Variants in COL21A1 observed in about 807,000 individuals in gnomAD.
The protein encoded by COL21A1 is collagen alpha-1(XXI) chain.
A neutral mutation model predicts 137.9 loss-of-function variants in COL21A1; 149 were observed. The ratio of observed to expected loss-of-function variants is 1.08; its 90% CI spans 0.95 to 1.24. The LOEUF is 1.24. Ranked by LOEUF, COL21A1 falls within the 50% of genes most tolerant of loss-of-function variation. The pLI is 0.00. For missense variants in COL21A1, 1,167 were observed against 1,158.4 expected (o/e 1.01, Z -0.11); for synonymous variants, 456 against 391.5 (o/e 1.16, Z -1.95).
At chr6:56,281,046 G>T (rs1763776568) in intron 1 of COL21A1, among the ~76,000 whole-genome samples, 1 of 152,052 alleles carries the variant, frequency 6.6e-6, no homozygotes, top group African/African-American at 2.4e-5. Context: ...AAATCTGCCT[G>T]ACTATAAAGC....
chr6:56,208,463 T>G (rs1457129395), intron 1 of COL21A1, among the ~76,000 whole-genome samples: 2 of 152,100 alleles, frequency 1.3e-5, no homozygotes, highest in Non-Finnish European at 2.9e-5. Flanking sequence ...GAATACAACT[T>G]ACAAGGGATG....
At chr6:56,279,611 T>C (rs775571208) in intron 1 of COL21A1, among the ~76,000 whole-genome samples, 2 of 152,192 alleles carry the variant, frequency 1.3e-5, no homozygotes, top group African/African-American at 2.4e-5. Flanking sequence ...TGGAAATACT[T>C]AAGGGTGACT....
chr6:56,293,891 G>C (rs1397488550), intron 1 of COL21A1, among the ~76,000 whole-genome samples: 1 of 152,170 alleles, frequency 6.6e-6, no homozygotes, highest in Non-Finnish European at 1.5e-5. Context: ...AGGAAGAAAG[G>C]TTTCTATTGT....
chr6:56,086,860 A>G (rs1334430155), intron 17 of COL21A1, among the ~76,000 whole-genome samples: 1 of 152,190 alleles, frequency 6.6e-6, no homozygotes, highest in African/African-American at 2.4e-5. Context: ...GCAGTCTTAA[A>G]TAATCCGAAC....
chr6:56,308,708 A>C lies in COL21A1; in HGVS notation c.-39+85263T>G, dbSNP rs1429630791. On this transcript the variant is annotated intron_variant, in intron 1 of 28. Coordinates refer to the COL21A1 transcript ENST00000370819. ...ATATTGTACATCAAAATTTTTGTAGAGGATAGATCTCGTTAAATGTTCTTA... is the reference window on the plus strand; with the variant it reads ...ATATTGTACATCAAAATTTTTGTAGCGGATAGATCTCGTTAAATGTTCTTA... Among the ~76,000 whole-genome samples the C allele has an allele frequency of 2.8e-5, 4 of 144,854 alleles. No individual in the cohort carries two copies. The East Asian group carries it at 6.3e-4, about 23-fold the overall frequency.
intron 1 of COL21A1, among the ~76,000 whole-genome samples, chr6:56,379,211 A>G (rs73457817): frequency 1.8e-4 from 28 of 152,230 alleles, no homozygotes; most frequent in Non-Finnish European, 3.4e-4. Context: ...CCAGGAAAAC[A>G]TGACCTCACC....
intron 3 of COL21A1, among the ~76,000 whole-genome samples, chr6:56,176,576 C>T (rs1044938249): frequency 7.3e-6 from 1 of 136,800 alleles, no homozygotes; most frequent in Admixed American, 7.9e-5. Flanking sequence ...TTACCTCATA[C>T]ATGTTAGGCT....
At chr6:56,323,995 T>G (rs949215725) in intron 1 of COL21A1, among the ~76,000 whole-genome samples, 1 of 152,142 alleles carries the variant, frequency 6.6e-6, no homozygotes, top group Admixed American at 6.6e-5. Flanking sequence ...CATCATTTTA[T>G]GGGATATTAT....
At chr6:56,153,363 G>A (rs1299238049) in intron 10 of COL21A1, among the ~76,000 whole-genome samples, 5 of 151,876 alleles carry the variant, frequency 3.3e-5, no homozygotes, top group East Asian at 1.9e-4. Flanking sequence ...TAGAATCAAC[G>A]CCCTCCAACC....
intron 12 of COL21A1, among the ~76,000 whole-genome samples, chr6:56,128,717 T>C (rs1236328771): frequency 1.3e-5 from 2 of 152,148 alleles, no homozygotes; most frequent in Non-Finnish European, 2.9e-5. Context: ...TGAAGTGGTG[T>C]GATCGCGGCT....
chr6:56,333,903 G>T (rs1307127024), intron 1 of COL21A1, among the ~76,000 whole-genome samples: 1 of 151,976 alleles, frequency 6.6e-6, no homozygotes, highest in Admixed American at 6.6e-5. Context: ...TTTTCCTGTT[G>T]TACGTCGTCT....
chr6:56,271,936 G>A lies in COL21A1; in HGVS notation c.-38-89280C>T, dbSNP rs373018640. 1.5e-3 allele frequency among the ~76,000 whole-genome samples: 230 copies of A among 152,276 alleles called. 2 individuals carry two copies. The Middle Eastern group carries it at 0.017, about 11-fold the overall frequency. ...CTTTGGGAGCCTCCACTTTGATATC[G>A]GAGGATGTATGGAAATGACTGGTGA... On this transcript the variant is annotated intron_variant, in intron 1 of 28. Transcript: ENST00000370819.
intron 1 of COL21A1, among the ~76,000 whole-genome samples, chr6:56,210,075 G>T (rs946353453): frequency 5.3e-5 from 8 of 152,032 alleles, no homozygotes; most frequent in Non-Finnish European, 1.2e-4. Flanking sequence ...CCTGGACTCA[G>T]GTGGGAGGCA....
rs375455171 is a variant in COL21A1 at position 56,384,710 on chromosome 6, G to A, written c.-39+9261C>T. 6.8e-4 allele frequency among the ~76,000 whole-genome samples: 104 copies of A among 152,068 alleles called. 1 individual carries two copies. The highest frequency in any genetic ancestry group is 3.4e-3 in the Middle Eastern group (1 of 294). ...TTTTTTTTTCTGAATATTTTTAGGC[G>A]GCTGGTAAGAGCACCAGCCTGGAGA... On this transcript the variant is annotated intron_variant, in intron 1 of 28. Transcript: ENST00000370819.
chr6:56,308,424 T>A (rs1764521973), intron 1 of COL21A1, among the ~76,000 whole-genome samples: 1 of 152,226 alleles, frequency 6.6e-6, no homozygotes, highest in Non-Finnish European at 1.5e-5. Context: ...CCAAAGGGAC[T>A]AAGACAATAA....
intron 17 of COL21A1, among the ~76,000 whole-genome samples, chr6:56,097,468 C>T (rs975377860): frequency 6.6e-6 from 1 of 151,876 alleles, no homozygotes; most frequent in African/African-American, 2.4e-5. Flanking sequence ...GAGGCAGTCA[C>T]TGTGTTTCCC....
At chr6:56,071,137 G>A (rs1016719) in intron 20 of COL21A1, among the ~76,000 whole-genome samples, 85,363 of 151,184 alleles carry the variant, frequency 0.56, 24,442 homozygotes, top group East Asian at 0.83. Context: ...AGCATCCTCC[G>A]GGCTGAGATC....
chr6:56,361,611 T>A (rs1765966737), intron 1 of COL21A1, among the ~76,000 whole-genome samples: 1 of 152,158 alleles, frequency 6.6e-6, no homozygotes, highest in African/African-American at 2.4e-5. Context: ...ATTTTGGTTT[T>A]AAAAATAATG....
chr6:56,381,265 C>T (rs1367832519), intron 1 of COL21A1, among the ~76,000 whole-genome samples: 2 of 152,014 alleles, frequency 1.3e-5, no homozygotes, highest in Non-Finnish European at 2.9e-5. Context: ...TTTATATTTA[C>T]TATATGCCTC....
Sources: gnomAD v4.1 joint callset for allele counts (sites outside exome capture counted in the v4.1 genomes callset) on GRCh38, gnomAD v4.1.1 for gene constraint, MANE v1.5 for transcripts, NCBI Gene and HGNC (gene_info 2026-07-23, HGNC 2026-07-21) for gene names.